Variants in ZNF490 observed in about 807,000 individuals in gnomAD.
The protein encoded by ZNF490 is zinc finger protein 490.
In ZNF490, 11 loss-of-function variants were observed where a neutral mutation model predicts 17.7. That is an observed-to-expected ratio of 0.62 (90% CI 0.39 to 1.03). ZNF490 has a LOEUF of 1.03. Ranked by LOEUF, ZNF490 falls within the 50% of genes least tolerant of loss-of-function variation. The pLI is 0.00. For missense variants in ZNF490, 542 were observed against 643.4 expected, an observed-to-expected ratio of 0.84 and a Z score of 1.71; for synonymous variants, 222 against 216.1, an observed-to-expected ratio of 1.03 and a Z score of -0.24.
intron 2 of ZNF490, among the ~76,000 whole-genome samples, chr19:12,584,003 A>C (rs1189891654): frequency 6.7e-6 from 1 of 149,314 alleles, no homozygotes; most frequent in Non-Finnish European, 1.5e-5. Context: ...GTAGAGACAG[A>C]GTTTCACCGT....
intron 2 of ZNF490, among the ~76,000 whole-genome samples, chr19:12,603,716 C>CG (rs1175610984): frequency 8.7e-5 from 13 of 150,054 alleles, no homozygotes; most frequent in African/African-American, 3.2e-4. Context: ...TGCTTGAACC[C>CG]GGGGGTGGAG....
chr19:12,608,006 C>T (rs984633147), intron 2 of ZNF490, among the ~76,000 whole-genome samples: 36 of 152,154 alleles, frequency 2.4e-4, no homozygotes, highest in Non-Finnish European at 4.9e-4. Flanking sequence ...ATAACCAAAT[C>T]GTGGTTTTAT....
rs1363553254 is a variant in ZNF490, at chr19:12,578,613, C to G, written c.*1872G>C. The G allele has an allele frequency of 1.0e-6, 1 of 985,328 alleles. No individual in the cohort carries two copies. The highest frequency in any genetic ancestry group is 1.2e-6 in the Non-Finnish European group (1 of 829,966). 61.0% of individuals were successfully genotyped at this position (985,328 alleles called of 1,614,324 possible). On this transcript the variant is annotated 3_prime_UTR_variant, in exon 5 of 5. Transcript: ENST00000311437. ...TGAATTAGGATGTGCATAGGCAGAT[C>G]CCACTTGGGGAAAAACTGTAAGATG...
intron 2 of ZNF490, among the ~76,000 whole-genome samples, chr19:12,607,530 A>C (rs2023083504): frequency 6.6e-6 from 1 of 151,918 alleles, no homozygotes; most frequent in Admixed American, 6.6e-5. Context: ...AATACAATAT[A>C]ATAACAGTAA....
intron 2 of ZNF490, among the ~76,000 whole-genome samples, chr19:12,583,809 ATATTTTT>A (rs1480195013): frequency 7.3e-4 from 77 of 105,110 alleles, no homozygotes; most frequent in African/African-American, 3.1e-3. Context: ...ATATATATAT[ATATTTTT>A]TTTTTTTTTT....
At chr19:12,582,303 G>A (rs933120880) in intron 4 of ZNF490, among the ~76,000 whole-genome samples, 4 of 151,812 alleles carry the variant, frequency 2.6e-5, no homozygotes, top group African/African-American at 9.7e-5. Context: ...TGTTGACCAG[G>A]CTGGTGTTGA....
Position 12,610,796 on chromosome 19 carries a change from C to G in ZNF490, c.-116G>C. On this transcript the variant is annotated 5_prime_UTR_variant, in exon 1 of 5. Coordinates refer to ENST00000311437, the MANE Select transcript of ZNF490 (RefSeq NM_020714.3). ...GAGGGCACCAGTTCCGTCCCACCGG[C>G]GGAAGCGAGATCTGCCTAGCTACTA... 1.8e-6 allele frequency: 2 copies of G among 1,094,608 alleles called. No individual in the cohort carries two copies. The highest frequency in any genetic ancestry group is 2.6e-5 in the South Asian group (2 of 75,630). 67.8% of individuals were successfully genotyped at this position (1,094,608 alleles called of 1,614,324 possible).
chr19:12,597,832 T>C (rs2022953284), intron 2 of ZNF490, among the ~76,000 whole-genome samples: 1 of 152,160 alleles, frequency 6.6e-6, no homozygotes, highest in African/African-American at 2.4e-5. Flanking sequence ...GCCTGTAATC[T>C]CAGCACTTCG....
At chr19:12,590,934 ATT>A (rs1555700629) in intron 2 of ZNF490, among the ~76,000 whole-genome samples, 46 of 151,426 alleles carry the variant, frequency 3.0e-4, no homozygotes, top group Admixed American at 1.5e-3. Context: ...AAAAAAAAAA[ATT>A]TTTTTTAAAT....
rs1438014144 is a variant in ZNF490 at position 12,578,957 on chromosome 19, T to A, written c.*1528A>T. 1.0e-6 allele frequency: 1 copy of A among 985,390 alleles called. No individual in the cohort carries two copies. Among genetic ancestry groups the A allele is most frequent in the Non-Finnish European group, 1.2e-6 (1 of 830,024 alleles). 61.0% of individuals were successfully genotyped at this position (985,390 alleles called of 1,614,324 possible). A position where few individuals can be genotyped will look rare whatever the true frequency, so the allele number is the denominator to read the frequency against. On this transcript the variant is annotated 3_prime_UTR_variant, in exon 5 of 5. Coordinates refer to ENST00000311437, the MANE Select transcript of ZNF490 (RefSeq NM_020714.3). ...CTCCAGTGTGGGTGGTTTCATGGTT[T>A]TAAAATGAACTGGAGGCCGGGCGCG...
At position 12,578,644 on chromosome 19, in the gene ZNF490, C is replaced by T. The variant is rs1213739928; in HGVS notation, c.*1841G>A. The T allele has an allele frequency of 3.6e-5, 35 of 985,448 alleles. No homozygotes were observed. Among genetic ancestry groups the T allele is most frequent in the Middle Eastern group, 5.2e-4 (1 of 1,914 alleles). 61.0% of individuals were successfully genotyped at this position (985,448 alleles called of 1,614,324 possible). On this transcript the variant is annotated 3_prime_UTR_variant, in exon 5 of 5. Transcript: ENST00000311437. ...TGGGGAAAAACTGTAAGATGCGAAC[C>T]TTTGTCTTAGAAGTACAGCATTCCC...
Position 12,580,197 on chromosome 19 carries a change from G to T in ZNF490, c.*288C>A. ...GTTTCTCTCCAGTATATATTCTCAG[G>T]TGTCTTTAAAAGATTACGTGAAGTG... On this transcript the variant is annotated 3_prime_UTR_variant, in exon 5 of 5. Transcript: ENST00000311437. 1 of 1,160,062 alleles carries T rather than the reference G, an allele frequency of 8.6e-7. No homozygotes were observed. The highest frequency in any genetic ancestry group is 1.1e-6 in the Non-Finnish European group (1 of 940,014). The allele number at this position is 1,160,062 out of a possible 1,614,324, so 71.9% of individuals were successfully genotyped here.
intron 2 of ZNF490, chr19:12,597,091 A>T (rs1599310533): frequency 4.4e-6 from 2 of 458,800 alleles, no homozygotes; most frequent in East Asian, 1.4e-4. Context: ...GTCTTCCCAT[A>T]GCCGGTTCCG....
Position 12,582,922 on chromosome 19 carries a change from GC to G in ZNF490, c.290-13del. On this transcript the variant is annotated splice_polypyrimidine_tract_variant and intron_variant, in intron 3 of 4. Coordinates refer to ENST00000311437, the MANE Select transcript of ZNF490 (RefSeq NM_020714.3). The stretch of plus-strand genomic sequence containing the variant: ...TTTCCATTTTTCCCCTAAAATACAA[GC>G]CCAGAGAACTCACAATAAATTATTA... 1.2e-6 allele frequency: 2 copies of G among 1,603,160 alleles called. No individual in the cohort carries two copies. Among genetic ancestry groups the G allele is most frequent in the Non-Finnish European group, 1.7e-6 (2 of 1,173,662 alleles).
intron 2 of ZNF490, 137 bp downstream of exon 2, chr19:12,609,021 G>T: frequency 1.4e-6 from 1 of 721,810 alleles, no homozygotes; most frequent in Non-Finnish European, 2.4e-6. Flanking sequence ...TGAGAGCCTG[G>T]TTATTGGCCT....
At position 12,600,019 on chromosome 19, in the gene ZNF490, C is replaced by T. The variant is rs573712974; in HGVS notation, c.162+9139G>A. Among the ~76,000 whole-genome samples, 7 of 152,196 alleles carry T rather than the reference C, an allele frequency of 4.6e-5. No individual in the cohort carries two copies. The South Asian group carries it at 8.3e-4, about 18-fold the overall frequency. Reference sequence around the variant, plus strand: ...ATCTATAAAAATTGCCAAACATTGGCGTAAATATGTCTATAAAATTGGGTA... The same window carrying T: ...ATCTATAAAAATTGCCAAACATTGGTGTAAATATGTCTATAAAATTGGGTA... On this transcript the variant is annotated intron_variant, in intron 2 of 4. Coordinates refer to ENST00000311437, the MANE Select transcript of ZNF490 (RefSeq NM_020714.3).
intron 2 of ZNF490, chr19:12,597,300 G>T (rs1257985747): frequency 2.4e-6 from 1 of 417,648 alleles, no homozygotes; most frequent in Admixed American, 2.5e-5. Flanking sequence ...GTTCACACGC[G>T]CATTCAGAGC....
intron 2 of ZNF490, among the ~76,000 whole-genome samples, chr19:12,599,725 G>A (rs1217490677): frequency 6.6e-6 from 1 of 152,112 alleles, no homozygotes; most frequent in Non-Finnish European, 1.5e-5. Context: ...TATACTTTTG[G>A]TAAAAAGATT....
Position 12,578,764 on chromosome 19 carries a change from C to G in ZNF490, c.*1721G>C, listed in dbSNP as rs2145136044. ...GTCATGTGTGAGAGCTGAGGGCAGG[C>G]ACTGCCCTAGAGGGTGTTTCCTAAC... On this transcript the variant is annotated 3_prime_UTR_variant, in exon 5 of 5. Coordinates refer to ENST00000311437, the MANE Select transcript of ZNF490 (RefSeq NM_020714.3). The G allele has an allele frequency of 1.0e-6, 1 of 985,196 alleles. No individual in the cohort carries two copies. Among genetic ancestry groups the G allele is most frequent in the Non-Finnish European group, 1.2e-6 (1 of 829,690 alleles). 61.0% of individuals were successfully genotyped at this position (985,196 alleles called of 1,614,324 possible).
Sources: gnomAD v4.1 joint callset for allele counts (sites outside exome capture counted in the v4.1 genomes callset) on GRCh38, gnomAD v4.1.1 for gene constraint, MANE v1.5 for transcripts, NCBI Gene and HGNC (gene_info 2026-07-23, HGNC 2026-07-21) for gene names.